Variants in REN observed in about 807,000 individuals in gnomAD.
REN encodes the protein renin.
Under a neutral mutation model 48.6 loss-of-function variants are expected in REN, and 42 were observed. The ratio of observed to expected loss-of-function variants is 0.86; its 90% CI spans 0.68 to 1.12. The LOEUF (loss-of-function observed/expected upper bound fraction) is 1.12, where lower values mean the gene tolerates loss of function less well. Among genes scored for constraint, REN ranks in the 50% most tolerant of loss-of-function variants. The pLI is 0.00. For missense variants in REN, 443 were observed against 527.3 expected (o/e 0.84, Z 1.57); for synonymous variants, 196 against 204.6 (o/e 0.96, Z 0.36).
In REN at chr1:204,162,871, C is replaced by T. The variant is rs931626866; in HGVS notation, c.99-708G>A. Among the ~76,000 whole-genome samples the T allele has an allele frequency of 2.6e-5, 4 of 152,312 alleles. No homozygotes were observed. The East Asian group carries it at 7.7e-4, about 29-fold the overall frequency. On this transcript the variant is annotated intron_variant, in intron 1 of 9. Transcript: ENST00000272190. ...GCTTCTTGTCTAGATGTTTTCCCAT[C>T]ACCTTTGAGAGGCAGAATTAAAGAG...
chr1:204,156,849 A>G lies in REN; in HGVS notation c.699-53T>C, dbSNP rs1191998710. The G allele has an allele frequency of 1.2e-6, 2 of 1,609,276 alleles. No individual in the cohort carries two copies. Among genetic ancestry groups the G allele is most frequent in the African/African-American group, 1.3e-5 (1 of 74,886 alleles). On this transcript the variant is annotated intron_variant, in intron 6 of 9. Coordinates refer to ENST00000272190, the MANE Select transcript of REN (RefSeq NM_000537.4). This position sits in a 1 kb window ranked among gnomAD's most constrained non-coding sequence, Gnocchi z 4.2. ...AACCCATAACCTCCAGGACCCAGCAACTCAGGCAATTGGGGAAGGTTGCAC... is the reference window on the plus strand; with the variant it reads ...AACCCATAACCTCCAGGACCCAGCAGCTCAGGCAATTGGGGAAGGTTGCAC...
Position 204,166,312 on chromosome 1 carries a change from C to A in REN, c.-19G>T, listed in dbSNP as rs772955019. On this transcript the variant is annotated 5_prime_UTR_variant, in exon 1 of 10. Coordinates refer to ENST00000272190, the MANE Select transcript of REN (RefSeq NM_000537.4). ...CATCCATGCTTCCCTCAGTCTGGGG[C>A]TCTCTCTGAGATCCACTGAGGTTCT... 1 of 1,610,306 alleles carries A rather than the reference C, an allele frequency of 6.2e-7. No individual in the cohort carries two copies. The highest frequency in any genetic ancestry group is 8.5e-7 in the Non-Finnish European group (1 of 1,176,456).
At chr1:204,160,383 C>T (rs1200035442) in intron 4 of REN, among the ~76,000 whole-genome samples, 177 bp downstream of exon 4, 1 of 152,246 alleles carries the variant, frequency 6.6e-6, no homozygotes, top group Non-Finnish European at 1.5e-5. Flanking sequence ...CTTGCTCCCC[C>T]ATAGGTACTG....
chr1:204,163,017 A>T (rs1344547418), intron 1 of REN, among the ~76,000 whole-genome samples: 2 of 152,226 alleles, frequency 1.3e-5, no homozygotes, highest in African/African-American at 4.8e-5. Context: ...GAAATGTTGA[A>T]GCAGGGATTC....
intron 5 of REN, 31 bp from the exon 6 acceptor site, chr1:204,157,400 G>T (rs1257204230): frequency 2.5e-6 from 4 of 1,614,232 alleles, no homozygotes; most frequent in Non-Finnish European, 3.4e-6. Flanking sequence ...CAGAAAGGAA[G>T]CTTCATTTCA....
In REN at chr1:204,160,589, T is replaced by C. The variant is rs1558244998; in HGVS notation, c.463A>G (p.Ser155Gly). Residue 155 changes from serine to glycine, a missense_variant, in exon 4 of 10, where the codon AGT becomes GGT. Ser to Gly is a moderately conservative substitution (Grantham distance 56). Coordinates refer to ENST00000272190, the MANE Select transcript of REN (RefSeq NM_000537.4). Reference sequence around the variant, plus strand: ...ATGATGTCCTGGCTGAGAAAGCCACTGACTGTCCCTGTTGAATAGCGGAGG... The same window carrying C: ...ATGATGTCCTGGCTGAGAAAGCCACCGACTGTCCCTGTTGAATAGCGGAGG... ...LTLRYSTGTVSGFLSQDIITV... is the reference protein window; with the variant it reads ...LTLRYSTGTVGGFLSQDIITV... 4 of 1,613,996 alleles carry C rather than the reference T, an allele frequency of 2.5e-6. No individual in the cohort carries two copies. Among genetic ancestry groups the C allele is most frequent in the Admixed American group, 1.7e-5 (1 of 60,016 alleles).
chr1:204,157,347 T>G lies in REN; in HGVS notation c.698+14A>C, dbSNP rs1571645484. The G allele has an allele frequency of 6.2e-7, 1 of 1,614,008 alleles. No individual in the cohort carries two copies. The highest frequency in any genetic ancestry group is 1.7e-5 in the Admixed American group (1 of 60,014). ...CTGGAAGGTCACAGCCATGTGGGGG[T>G]TTTGTCTCCTTACTCGGAATCTCTG... is the stretch of plus-strand genomic sequence containing the variant. On this transcript the variant is annotated intron_variant, in intron 6 of 9. Transcript: ENST00000272190.
rs1658152535 is a variant in REN at position 204,156,433 on chromosome 1, G to A, written c.819-114C>T. 6.8e-7 allele frequency: 1 copy of A among 1,460,014 alleles called. No homozygotes were observed. The allele number at this position is 1,460,014 out of a possible 1,614,324, so 90.4% of individuals were successfully genotyped here. A position where few individuals can be genotyped will look rare whatever the true frequency, so the allele number is the denominator to read the frequency against. ...GGGTGGGTGGGTGGAGGCCACGCTG[G>A]TGGCCTGTTGAGGCAGTGAGTAGAG... On this transcript the variant is annotated intron_variant, in intron 7 of 9. Coordinates refer to ENST00000272190, the MANE Select transcript of REN (RefSeq NM_000537.4). The surrounding 1 kb of genome is among the most constrained non-coding windows in gnomAD (Gnocchi z 4.2).
In REN at chr1:204,162,080, C is replaced by T; in HGVS notation, c.182G>A (p.Ser61Asn). Residue 61 changes from serine (S) to asparagine (N), a missense_variant, in exon 2 of 10, where the codon AGC becomes AAC. Physicochemically the swap from Ser to Asn is conservative, Grantham distance 46. Transcript: ENST00000272190. ...AAGTGTCAGCCTCTTCATGGGTTGG[C>T]TCCACTCGGGACCAAGCCTGGCCAT... ...VDMARLGPEW[S>N]QPMKRLTLGN... 2 of 1,614,084 alleles carry T rather than the reference C, an allele frequency of 1.2e-6. No individual in the cohort carries two copies.
At chr1:204,164,837 G>T (rs534112521) in intron 1 of REN, among the ~76,000 whole-genome samples, 3 of 152,102 alleles carry the variant, frequency 2.0e-5, no homozygotes, top group Non-Finnish European at 4.4e-5. Flanking sequence ...CAAAGTGCTG[G>T]AATTACAAGC....
chr1:204,156,608 T>TGCCC lies in REN; in HGVS notation c.818+68_818+69insGGGC. ...GAGGGCAGGATGGTAATGCAGTCCT[T>TGCCC]CCCCACCCTCCCCAACCCCAGTGAC... On this transcript the variant is annotated intron_variant, in intron 7 of 9. Transcript: ENST00000272190. The surrounding 1 kb of genome is among the most constrained non-coding windows in gnomAD (Gnocchi z 4.2). The TGCCC allele has an allele frequency of 1.9e-6, 3 of 1,592,844 alleles. No individual in the cohort carries two copies. The highest frequency in any genetic ancestry group is 2.6e-6 in the Non-Finnish European group (3 of 1,161,734).
Position 204,156,652 on chromosome 1 carries a change from C to A in REN, c.818+25G>T. On this transcript the variant is annotated intron_variant, in intron 7 of 9. Coordinates refer to ENST00000272190, the MANE Select transcript of REN (RefSeq NM_000537.4). This position sits in a 1 kb window ranked among gnomAD's most constrained non-coding sequence, Gnocchi z 4.2. ...CAGTGACGGCAGCATTTTTTGGAGC[C>A]CGGGGAGGGTTGAGGATTTCTGACC... 6.2e-7 allele frequency: 1 copy of A among 1,614,036 alleles called. No homozygotes were observed. The highest frequency in any genetic ancestry group is 8.5e-7 in the Non-Finnish European group (1 of 1,179,984).
chr1:204,158,281 G>A (rs1256287573), intron 5 of REN, among the ~76,000 whole-genome samples: 1 of 152,022 alleles, frequency 6.6e-6, no homozygotes, highest in Non-Finnish European at 1.5e-5. Context: ...CCGCCAATTG[G>A]CCTTTTCTCA....
At position 204,161,376 on chromosome 1, in the gene REN, G is replaced by A; in HGVS notation, c.289C>T (p.Gln97Ter). Residue 97 changes from glutamine (Q) to a stop codon, truncating the protein, a stop_gained, in exon 3 of 10, where the codon CAG becomes TAG. Transcript: ENST00000272190. LOFTEE classifies it high-confidence loss of function. ...GTGTCAAAGACGACTTTGAAGGTCT[G>A]GGGTGGGGTGCCGATGCCAATCTCG... is the stretch of plus-strand genomic sequence containing the variant. ...YGEIGIGTPP[Q>*]TFKVVFDTGS... 6.2e-7 allele frequency: 1 copy of A among 1,603,798 alleles called. No homozygotes were observed. The highest frequency in any genetic ancestry group is 1.1e-5 in the South Asian group (1 of 88,742).
chr1:204,155,609 T>C (rs1250556330), intron 9 of REN, among the ~76,000 whole-genome samples: 1 of 152,164 alleles, frequency 6.6e-6, no homozygotes, highest in East Asian at 1.9e-4. Context: ...CTGGGGAAAC[T>C]GAACCCCAGG....
At chr1:204,158,103 C>CG (rs1180137023) in intron 5 of REN, among the ~76,000 whole-genome samples, 1 of 151,744 alleles carries the variant, frequency 6.6e-6, no homozygotes, top group African/African-American at 2.4e-5. Flanking sequence ...GATCTCACCC[C>CG]CCACGCCACC....
At chr1:204,163,161 A>G (rs1358221946) in intron 1 of REN, among the ~76,000 whole-genome samples, 1 of 152,180 alleles carries the variant, frequency 6.6e-6, no homozygotes, top group Non-Finnish European at 1.5e-5. Flanking sequence ...TGACTCTGCA[A>G]TAGACTTTCC....
chr1:204,160,347 A>C (rs1393597144), intron 4 of REN, among the ~76,000 whole-genome samples: 2 of 152,056 alleles, frequency 1.3e-5, no homozygotes, highest in Non-Finnish European at 2.9e-5. Flanking sequence ...TCCACAAACC[A>C]CCCAACGGTG....
At chr1:204,155,997 G>T (rs1658140644) in intron 8 of REN, 79 bp from the exon 9 acceptor site, 2 of 1,442,408 alleles carry the variant, frequency 1.4e-6, no homozygotes, top group African/African-American at 1.4e-5. Context: ...TGGTGGCCTG[G>T]TCTCTCTGCT....
Sources: allele counts gnomAD v4.1 joint callset (sites outside exome capture counted in the v4.1 genomes callset), GRCh38; gene constraint gnomAD v4.1.1; non-coding constraint Gnocchi (gnomAD v3.1); transcripts MANE v1.5; gene names NCBI Gene and HGNC (gene_info 2026-07-23, HGNC 2026-07-21).